PKNOX1: variants seen among roughly 807,000 people sequenced by gnomAD.
PKNOX1 encodes PBX/knotted 1 homeobox 1, also known as homeobox protein PKNOX1.
A neutral mutation model predicts 51.9 loss-of-function variants in PKNOX1; 15 were observed. The observed-to-expected ratio is 0.29, with a 90% CI of 0.19 to 0.45. The LOEUF (loss-of-function observed/expected upper bound fraction) is 0.45. PKNOX1 is among the 20% of genes least tolerant of loss of function. PKNOX1 has a pLI of 1.00. For synonymous variants in PKNOX1, 219 were observed against 211.1 expected (o/e 1.04, Z -0.32); for missense variants, 462 against 547.5 (o/e 0.84, Z 1.56).
At chr21:42,989,570 T>C (rs2059074887) in intron 1 of PKNOX1, among the ~76,000 whole-genome samples, 1 of 151,968 alleles carries the variant, frequency 6.6e-6, no homozygotes, top group Non-Finnish European at 1.5e-5. Flanking sequence ...AGGCGCCTGC[T>C]ACCACGCCTG....
chr21:43,026,682 G>A (rs538798644), intron 9 of PKNOX1, among the ~76,000 whole-genome samples: 5 of 152,250 alleles, frequency 3.3e-5, no homozygotes, highest in East Asian at 1.9e-4. Flanking sequence ...GCTTGAACTC[G>A]GGAGGTGGAG....
At chr21:42,975,747 T>G (rs1176435333) in intron 1 of PKNOX1, among the ~76,000 whole-genome samples, 1 of 152,176 alleles carries the variant, frequency 6.6e-6, no homozygotes, top group Non-Finnish European at 1.5e-5. Flanking sequence ...GCCGCAGCCC[T>G]GGGGGGTGTT....
chr21:43,014,578 T>C (rs1979403683), intron 5 of PKNOX1, among the ~76,000 whole-genome samples: 1 of 152,248 alleles, frequency 6.6e-6, no homozygotes, highest in Non-Finnish European at 1.5e-5. Flanking sequence ...ACTCTTTGCC[T>C]AACCCTAGGT....
chr21:42,978,820 A>G (rs1036376123), intron 1 of PKNOX1, among the ~76,000 whole-genome samples: 17 of 151,820 alleles, frequency 1.1e-4, no homozygotes, highest in South Asian at 4.2e-4. Flanking sequence ...AAGTCTCCCT[A>G]TGTTATCCAG....
At chr21:42,996,004 A>G (rs1978488090) in intron 1 of PKNOX1, among the ~76,000 whole-genome samples, 1 of 152,192 alleles carries the variant, frequency 6.6e-6, no homozygotes, top group Admixed American at 6.5e-5. Flanking sequence ...GCTTGAGGCC[A>G]GGAGCTTGAG....
chr21:42,993,473 A>T (rs151112717), intron 1 of PKNOX1, among the ~76,000 whole-genome samples: 13 of 151,868 alleles, frequency 8.6e-5, no homozygotes, highest in Non-Finnish European at 1.9e-4. Flanking sequence ...AGTTTGTGGA[A>T]GTGGTTGTGT....
chr21:43,021,201 T>C lies in PKNOX1; in HGVS notation c.721-102T>C. 2.1e-6 allele frequency: 2 copies of C among 952,298 alleles called. No individual in the cohort carries two copies. The highest frequency in any genetic ancestry group is 3.4e-5 in the South Asian group (2 of 59,438). 59.0% of individuals were successfully genotyped at this position (952,298 alleles called of 1,614,324 possible). A position where few individuals can be genotyped will look rare whatever the true frequency, so the allele number is the denominator to read the frequency against. ...GTGCATGGGCCTCGACTACAATCAT[T>C]TCCCTGTCCGATCCTTGGCTGTTTT... On this transcript the variant is annotated intron_variant, in intron 7 of 10. Transcript: ENST00000291547. This position sits in a 1 kb window ranked among gnomAD's most constrained non-coding sequence, Gnocchi z 4.6.
rs963462153 is a variant in PKNOX1, at chr21:43,019,768, C to A, written c.721-1535C>A. On this transcript the variant is annotated intron_variant, in intron 7 of 10. Transcript: ENST00000291547. ...CGTTGGCCAGTCTGGTCTCGAAATC[C>A]TGGGCTCAAGCAGTCCGCCTGCCTC... 3.5e-4 allele frequency among the ~76,000 whole-genome samples: 54 copies of A among 152,194 alleles called. 1 individual carries two copies. The highest frequency in any genetic ancestry group is 1.1e-3 in the African/African-American group (46 of 41,528).
At chr21:42,982,011 T>C (rs532131705) in intron 1 of PKNOX1, among the ~76,000 whole-genome samples, 1 of 152,342 alleles carries the variant, frequency 6.6e-6, no homozygotes, top group East Asian at 1.9e-4. Flanking sequence ...CTCCACTGTC[T>C]GTTCCATCTG....
chr21:42,997,172 C>G (rs1042374481), intron 1 of PKNOX1, among the ~76,000 whole-genome samples: 1 of 152,214 alleles, frequency 6.6e-6, no homozygotes, highest in Admixed American at 6.5e-5. Flanking sequence ...TGAGCCATAA[C>G]GCCTGGCCCC....
Position 43,004,320 on chromosome 21 carries a change from C to A in PKNOX1, c.-56-6C>A. Reference sequence around the variant, plus strand: ...TAACTGATGCTTTTCTGGTTTTGTTCTCCAGACACCATTCGCTTTTCACCC... The same window carrying A: ...TAACTGATGCTTTTCTGGTTTTGTTATCCAGACACCATTCGCTTTTCACCC... On this transcript the variant is annotated splice_region_variant and splice_polypyrimidine_tract_variant and intron_variant, in intron 1 of 10. Transcript: ENST00000291547. The A allele has an allele frequency of 1.8e-6, 2 of 1,103,592 alleles. No homozygotes were observed. The highest frequency in any genetic ancestry group is 2.8e-6 in the Non-Finnish European group (2 of 716,880). The allele number at this position is 1,103,592 out of a possible 1,614,324, so 68.4% of individuals were successfully genotyped here.
At chr21:42,976,446 ACTC>A (rs752559014) in intron 1 of PKNOX1, among the ~76,000 whole-genome samples, 5 of 151,724 alleles carry the variant, frequency 3.3e-5, no homozygotes, top group Non-Finnish European at 5.9e-5. Flanking sequence ...GCATTGATGG[ACTC>A]CTCCTTTCAT....
chr21:43,021,360 A>G lies in PKNOX1; in HGVS notation c.778A>G (p.Lys260Glu). The change falls in exon 8 of 11, where the codon AAG becomes GAG. Residue 260 changes from lysine to glutamate, a missense_variant. Physicochemically the swap from Lys to Glu is moderately conservative, Grantham distance 56 (BLOSUM62 1). This residue lies in a region of PKNOX1 where 75 missense variants were observed against 129.8 expected (regional missense o/e 0.58). Transcript: ENST00000291547. This position sits in a 1 kb window ranked among gnomAD's most constrained non-coding sequence, Gnocchi z 4.6. The stretch of plus-strand genomic sequence containing the variant: ...CTTGCATCAAGATGATGGTTCATCT[A>G]AGAACAAGAGGGGCGTCCTGCCAAA... The part of the protein sequence containing the change: ...SILHQDDGSS[K>E]NKRGVLPKHA... 6.2e-7 allele frequency: 1 copy of G among 1,613,322 alleles called. No individual in the cohort carries two copies. The highest frequency in any genetic ancestry group is 1.1e-5 in the South Asian group (1 of 91,000).
At chr21:42,998,313 A>G (rs950064545) in intron 1 of PKNOX1, among the ~76,000 whole-genome samples, 1 of 152,128 alleles carries the variant, frequency 6.6e-6, no homozygotes, top group Non-Finnish European at 1.5e-5. Context: ...CCCATGATTC[A>G]ACTACCTCCC....
chr21:43,028,233 C>T (rs1186943091), intron 9 of PKNOX1, among the ~76,000 whole-genome samples: 1 of 152,190 alleles, frequency 6.6e-6, no homozygotes, highest in Non-Finnish European at 1.5e-5. Context: ...GGCTCAGACA[C>T]GTTGCCACCC....
chr21:43,002,971 T>G (rs1978829197), intron 1 of PKNOX1, among the ~76,000 whole-genome samples: 1 of 152,200 alleles, frequency 6.6e-6, no homozygotes, highest in Non-Finnish European at 1.5e-5. Flanking sequence ...CGCCTGCACC[T>G]CCCAAAGTGC....
chr21:43,032,329 C>T lies in PKNOX1; in HGVS notation c.*2228C>T. ...CCCTTCCTCCTTCCCTCACCACCCT[C>T]CGTCTCTTCGGCTGCTTGCTCTTTA... is the stretch of plus-strand genomic sequence containing the variant. On this transcript the variant is annotated 3_prime_UTR_variant, in exon 11 of 11. Transcript: ENST00000291547. 2.4e-6 allele frequency: 1 copy of T among 408,954 alleles called. No homozygotes were observed. Among genetic ancestry groups the T allele is most frequent in the South Asian group, 1.7e-5 (1 of 57,322 alleles). The allele number at this position is 408,954 out of a possible 1,614,324, so 25.3% of individuals were successfully genotyped here.
At chr21:43,024,340 A>C (rs1979896838) in intron 8 of PKNOX1, 2 of 152,248 alleles carry the variant, frequency 1.3e-5, no homozygotes, top group Admixed American at 1.3e-4. Flanking sequence ...CTCTTCTGTA[A>C]AATAAAGACA....
At chr21:42,986,760 T>C (rs381941) in intron 1 of PKNOX1, among the ~76,000 whole-genome samples, 136,828 of 152,208 alleles carry the variant, frequency 0.9, 61,630 homozygotes, top group African/African-American at 0.92. Context: ...CAAAACACAA[T>C]ACCTAGAGAT....
Sources: allele counts gnomAD v4.1 joint callset (sites outside exome capture counted in the v4.1 genomes callset), GRCh38; gene constraint gnomAD v4.1.1; regional missense constraint gnomAD v4.1.1; non-coding constraint Gnocchi (gnomAD v3.1); transcripts MANE v1.5; gene names NCBI Gene and HGNC (gene_info 2026-07-23, HGNC 2026-07-21).